Variants in GRK3 observed in about 807,000 individuals in gnomAD.
GRK3 encodes the protein G protein-coupled receptor kinase 3.
GRK3 carries 54 observed loss-of-function variants against 95.7 expected under a neutral mutation model. The observed-to-expected ratio is 0.56, with a 90% confidence interval of 0.45 to 0.71. The LOEUF is 0.71. Ranked by LOEUF, GRK3 falls within the 30% of genes least tolerant of loss-of-function variation. The pLI, the probability that GRK3 is intolerant of heterozygous loss-of-function variation, is 0.00. For missense variants in GRK3, 649 were observed against 851.2 expected, an observed-to-expected ratio of 0.76 and a Z score of 2.96; for synonymous variants, 281 against 290.8, an observed-to-expected ratio of 0.97 and a Z score of 0.34.
intron 8 of GRK3, among the ~76,000 whole-genome samples, chr22:25,677,418 G>C (rs375936985): frequency 9.3e-6 from 1 of 107,132 alleles, no homozygotes; most frequent in Non-Finnish European, 2.1e-5. Flanking sequence ...GAAAAAAAAA[G>C]AAAAGAAATC....
intron 1 of GRK3, among the ~76,000 whole-genome samples, chr22:25,581,886 A>C (rs887257777): frequency 2.0e-5 from 3 of 152,148 alleles, no homozygotes; most frequent in African/African-American, 7.2e-5. Flanking sequence ...GAAACCTTGC[A>C]ATGTAAGTCT....
intron 2 of GRK3, among the ~76,000 whole-genome samples, chr22:25,628,769 A>G (rs2084644756): frequency 6.6e-6 from 1 of 152,244 alleles, no homozygotes; most frequent in Non-Finnish European, 1.5e-5. Flanking sequence ...AGCCTGTAAC[A>G]TTTGTAACAG....
intron 7 of GRK3, among the ~76,000 whole-genome samples, chr22:25,672,668 G>A (rs1402174237): frequency 3.3e-5 from 5 of 152,082 alleles, no homozygotes; most frequent in African/African-American, 1.2e-4. Flanking sequence ...CTTGCCTTCT[G>A]CCATTCTGGT....
At chr22:25,714,033 A>G (rs1232072419) in intron 17 of GRK3, among the ~76,000 whole-genome samples, 2 of 152,236 alleles carry the variant, frequency 1.3e-5, no homozygotes, top group African/African-American at 2.4e-5. Context: ...TCCTACCTAT[A>G]TAAACAAAAT....
chr22:25,674,406 T>C (rs764259673), intron 7 of GRK3, 31 bp from the exon 8 acceptor site: 3 of 1,539,770 alleles, frequency 1.9e-6, no homozygotes, highest in African/African-American at 1.4e-5. Context: ...TGTGTAATCT[T>C]ATGTTTTCAT....
intron 3 of GRK3, among the ~76,000 whole-genome samples, chr22:25,659,984 C>G (rs539079687): frequency 6.6e-6 from 1 of 152,266 alleles, no homozygotes; most frequent in African/African-American, 2.4e-5. Flanking sequence ...CACTTGTTTT[C>G]AAGGATCATC....
intron 2 of GRK3, among the ~76,000 whole-genome samples, chr22:25,627,123 C>T (rs1314467023): frequency 1.3e-5 from 2 of 152,174 alleles, no homozygotes; most frequent in Admixed American, 1.3e-4. Context: ...TACCTTCAGC[C>T]TTGCTCAGGG....
At chr22:25,706,395 C>A (rs1181038405) in intron 15 of GRK3, among the ~76,000 whole-genome samples, 1 of 152,204 alleles carries the variant, frequency 6.6e-6, no homozygotes, top group Non-Finnish European at 1.5e-5. Flanking sequence ...GCTCAGCATG[C>A]TGGCTCCGTC....
chr22:25,637,349 G>A (rs2146374701), intron 2 of GRK3, among the ~76,000 whole-genome samples: 2 of 152,296 alleles, frequency 1.3e-5, no homozygotes, highest in East Asian at 3.9e-4. Flanking sequence ...GCCAATTCCT[G>A]TAAGTCTCCT....
At chr22:25,704,309 C>G (rs893729777) in intron 15 of GRK3, 100 bp downstream of exon 15, 1 of 802,494 alleles carries the variant, frequency 1.2e-6, no homozygotes, top group African/African-American at 1.8e-5. Flanking sequence ...TTAAAATCTT[C>G]CATTTTGACT....
chr22:25,720,591 C>G (rs1445194074), intron 19 of GRK3, among the ~76,000 whole-genome samples: 1 of 150,986 alleles, frequency 6.6e-6, no homozygotes, highest in Non-Finnish European at 1.5e-5. Context: ...ATTCTCCTGC[C>G]TCAGCCTCCC....
intron 19 of GRK3, among the ~76,000 whole-genome samples, chr22:25,719,069 A>G (rs924023030): frequency 6.6e-6 from 1 of 152,178 alleles, no homozygotes; most frequent in Non-Finnish European, 1.5e-5. Flanking sequence ...TGGATTTTGT[A>G]TAATTTGGAC....
In GRK3 at chr22:25,729,169, C is replaced by G. The variant is rs779198945; in HGVS notation, c.*6719C>G. 3 of 152,238 alleles carry G rather than the reference C, an allele frequency of 2.0e-5. No individual in the cohort carries two copies. The highest frequency in any genetic ancestry group is 4.8e-5 in the African/African-American group (2 of 41,446). The allele number at this position is 152,238 out of a possible 1,614,324, so 9.4% of individuals were successfully genotyped here. ...GATGCTGCTCCACGTCTGAGGTCAC[C>G]TGCCCTGTGTGGGGCACACCACCGT... On this transcript the variant is annotated 3_prime_UTR_variant, in exon 21 of 21. Transcript: ENST00000324198.
chr22:25,690,391 A>G (rs1470341565), intron 12 of GRK3, 108 bp downstream of exon 12: 2 of 772,084 alleles, frequency 2.6e-6, no homozygotes, highest in Admixed American at 4.6e-5. Context: ...TCAATATGTC[A>G]GGAAGATCCA....
chr22:25,612,000 T>A (rs2084501485), intron 2 of GRK3, among the ~76,000 whole-genome samples: 1 of 152,014 alleles, frequency 6.6e-6, no homozygotes, highest in Admixed American at 6.6e-5. Flanking sequence ...ACCCAGCTAA[T>A]TTTTTATATT....
chr22:25,631,066 T>C (rs898533346), intron 2 of GRK3, among the ~76,000 whole-genome samples: 7 of 152,214 alleles, frequency 4.6e-5, no homozygotes, highest in African/African-American at 1.7e-4. Context: ...TTTGCTCCTA[T>C]TGGAACTTGG....
chr22:25,653,549 G>T (rs967414835), intron 3 of GRK3, among the ~76,000 whole-genome samples: 6 of 152,190 alleles, frequency 3.9e-5, no homozygotes, highest in African/African-American at 1.4e-4. Context: ...CTATAATCCT[G>T]TTGGGAGATA....
chr22:25,717,220 A>T (rs116020478), intron 18 of GRK3, among the ~76,000 whole-genome samples: 1,710 of 152,290 alleles, frequency 0.011, 30 homozygotes, highest in African/African-American at 0.04. Context: ...GATGACTTGA[A>T]CATCTACTGA....
intron 10 of GRK3, among the ~76,000 whole-genome samples, chr22:25,686,199 G>C (rs1006188797): frequency 2.6e-5 from 4 of 151,310 alleles, no homozygotes; most frequent in African/African-American, 7.3e-5. Flanking sequence ...TCCAGTCTGG[G>C]TGACAGAGCG....
Sources: allele counts gnomAD v4.1 joint callset (sites outside exome capture counted in the v4.1 genomes callset), GRCh38; gene constraint gnomAD v4.1.1; transcripts MANE v1.5; gene names NCBI Gene and HGNC (gene_info 2026-07-23, HGNC 2026-07-21).